Variants in RICTOR observed in about 807,000 individuals in gnomAD.
The protein encoded by RICTOR is RPTOR independent companion of MTOR complex 2, also known as rapamycin-insensitive companion of mTOR.
A neutral mutation model predicts 214.9 loss-of-function variants in RICTOR; 49 were observed. That is an observed-to-expected ratio of 0.23 (90% confidence interval 0.18 to 0.29). The LOEUF is 0.29. Among genes scored for constraint, RICTOR ranks in the 10% least tolerant of loss-of-function variants. The pLI is 1.00. For missense variants in RICTOR, 1,625 were observed against 2,047.0 expected (o/e 0.79, Z 3.98); for synonymous variants, 717 against 711.3 (o/e 1.01, Z -0.13).
At chr5:39,009,287 A>G (rs1399706257) in intron 3 of RICTOR, among the ~76,000 whole-genome samples, 2 of 152,206 alleles carry the variant, frequency 1.3e-5, no homozygotes, top group African/African-American at 4.8e-5. Flanking sequence ...CGAGAAAAAT[A>G]TATGACCATT....
Position 38,945,076 on chromosome 5 carries a change from A to C in RICTOR, c.4634-8T>G. On this transcript the variant is annotated splice_polypyrimidine_tract_variant and splice_region_variant and intron_variant, in intron 34 of 37. Coordinates refer to ENST00000357387, the MANE Select transcript of RICTOR (RefSeq NM_152756.5). Reference sequence around the variant, plus strand: ...ATGGAATATCTTGAAAGTCTGAAGAAAAAAATAATTATTTCAATTAAAGCA... The same window carrying C: ...ATGGAATATCTTGAAAGTCTGAAGACAAAAATAATTATTTCAATTAAAGCA... 1 of 1,576,476 alleles carries C rather than the reference A, an allele frequency of 6.3e-7. No homozygotes were observed. The highest frequency in any genetic ancestry group is 8.7e-7 in the Non-Finnish European group (1 of 1,154,468).
chr5:39,032,749 T>C (rs1002031210), intron 2 of RICTOR, among the ~76,000 whole-genome samples: 3 of 152,220 alleles, frequency 2.0e-5, no homozygotes, highest in African/African-American at 2.4e-5. Flanking sequence ...GAATGTTTCA[T>C]AGCTGTTTCA....
intron 33 of RICTOR, 40 bp downstream of exon 33, chr5:38,946,428 A>G (rs1174610881): frequency 8.0e-7 from 1 of 1,250,164 alleles, no homozygotes; most frequent in South Asian, 1.3e-5. Context: ...TCTTTTTAAT[A>G]TAAAGAGGCA....
chr5:39,053,654 A>G (rs887530830), intron 2 of RICTOR, among the ~76,000 whole-genome samples: 1 of 152,204 alleles, frequency 6.6e-6, no homozygotes, highest in Non-Finnish European at 1.5e-5. Context: ...GCACTTTGGG[A>G]GGCCGAGATG....
intron 10 of RICTOR, among the ~76,000 whole-genome samples, chr5:38,973,280 C>T (rs1189384808): frequency 1.3e-5 from 2 of 152,110 alleles, no homozygotes; most frequent in African/African-American, 4.8e-5. Context: ...ATCTCTCCCC[C>T]CGACAACAAA....
chr5:39,065,610 A>C (rs190196758), intron 2 of RICTOR, among the ~76,000 whole-genome samples: 312 of 152,346 alleles, frequency 2.0e-3, no homozygotes, highest in African/African-American at 7.2e-3. Context: ...TGAGGCTGTA[A>C]AGTCACAAAT....
chr5:39,003,549 C>T lies in RICTOR; in HGVS notation c.260+9G>A. ...AAAGGGATGGGAGGGGGGAATGAAC[C>T]ACACTTACCAAATTATGATATCCTC... On this transcript the variant is annotated intron_variant, in intron 4 of 37. Coordinates refer to ENST00000357387, the MANE Select transcript of RICTOR (RefSeq NM_152756.5). 6.3e-7 allele frequency: 1 copy of T among 1,581,168 alleles called. No individual in the cohort carries two copies. The highest frequency in any genetic ancestry group is 8.7e-7 in the Non-Finnish European group (1 of 1,152,674).
intron 3 of RICTOR, among the ~76,000 whole-genome samples, chr5:39,006,766 GGGAGAGGAGA>G (rs1163030194): frequency 9.8e-5 from 9 of 92,218 alleles, no homozygotes; most frequent in South Asian, 5.4e-4. Flanking sequence ...GGGAGAGGAG[GGGAGAGGAGA>G]GGAGGGGAGG....
At chr5:39,032,165 A>G (rs1756323193) in intron 2 of RICTOR, among the ~76,000 whole-genome samples, 1 of 152,204 alleles carries the variant, frequency 6.6e-6, no homozygotes, top group Non-Finnish European at 1.5e-5. Flanking sequence ...ATAGAAAAAT[A>G]GAACATTTTT....
At chr5:38,946,443 A>T (rs1398607751) in intron 33 of RICTOR, 25 bp downstream of exon 33, 2 of 1,457,870 alleles carry the variant, frequency 1.4e-6, no homozygotes, top group Admixed American at 1.7e-5. Context: ...GAGGCATCTC[A>T]CAAGTACAAT....
chr5:38,941,585 A>C lies in RICTOR; in HGVS notation c.*719T>G, dbSNP rs904638537. The C allele has an allele frequency of 4.3e-6, 1 of 231,404 alleles. No individual in the cohort carries two copies. Among genetic ancestry groups the C allele is most frequent in the African/African-American group, 2.2e-5 (1 of 45,256 alleles). 14.3% of individuals were successfully genotyped at this position (231,404 alleles called of 1,614,324 possible). On this transcript the variant is annotated 3_prime_UTR_variant, in exon 38 of 38. Coordinates refer to ENST00000357387, the MANE Select transcript of RICTOR (RefSeq NM_152756.5). ...AAAAAATGATTTTTAAATTTTATTC[A>C]AGAACTGTAGTGAAAAACCTTAATT... is the stretch of plus-strand genomic sequence containing the variant.
In RICTOR at chr5:38,977,618, G is replaced by C. The variant is rs528753486; in HGVS notation, c.821+965C>G. Among the ~76,000 whole-genome samples the C allele has an allele frequency of 3.1e-3, 301 of 96,968 alleles. 4 individuals are homozygous for C. The highest frequency in any genetic ancestry group is 7.1e-3 in the Admixed American group (49 of 6,876). 63.6% of individuals were successfully genotyped at this position (96,968 alleles called of 152,430 possible). Reference sequence around the variant, plus strand: ...TTTTTTTTTTTTTTTTTTTTTTTGAGACAGAGTGTCGCTCTGTCACCCAGG... The same window carrying C: ...TTTTTTTTTTTTTTTTTTTTTTTGACACAGAGTGTCGCTCTGTCACCCAGG... On this transcript the variant is annotated intron_variant, in intron 9 of 37. Coordinates refer to ENST00000357387, the MANE Select transcript of RICTOR (RefSeq NM_152756.5).
At chr5:38,943,138 C>T (rs1579851817) in intron 36 of RICTOR, 167 bp from the exon 37 acceptor site, 3 of 447,450 alleles carry the variant, frequency 6.7e-6, no homozygotes, top group Non-Finnish European at 7.8e-6. Flanking sequence ...CTGTCACACA[C>T]TTAGACATTC....
At chr5:39,066,260 G>T (rs72635284) in intron 2 of RICTOR, among the ~76,000 whole-genome samples, 2,695 of 152,340 alleles carry the variant, frequency 0.018, 51 homozygotes, top group East Asian at 0.05. Context: ...AGCCCGAACT[G>T]TACCTGGGCC....
chr5:39,042,411 GTAC>G lies in RICTOR; in HGVS notation c.98-21278_98-21276del, dbSNP rs1337246657. On this transcript the variant is annotated intron_variant, in intron 2 of 37. Coordinates refer to ENST00000357387, the MANE Select transcript of RICTOR (RefSeq NM_152756.5). ...TCTCCACACCAACCGTATAAGGTAGGTACTACTATTATTGTCCTCATGTTAATA... is the reference window on the plus strand; with the variant it reads ...TCTCCACACCAACCGTATAAGGTAGGTACTATTATTGTCCTCATGTTAATA... Among the ~76,000 whole-genome samples the G allele has an allele frequency of 2.0e-5, 3 of 152,184 alleles. No individual in the cohort carries two copies. In the East Asian group the frequency reaches 5.8e-4, roughly 29 times the overall value.
intron 28 of RICTOR, 76 bp downstream of exon 28, chr5:38,953,385 T>A (rs2112876227): frequency 1.7e-6 from 1 of 603,020 alleles, no homozygotes; most frequent in Non-Finnish European, 2.9e-6. Flanking sequence ...AAAATATTTA[T>A]CTATTTAGTA....
chr5:38,946,425 A>G (rs1428299476), intron 33 of RICTOR, 43 bp downstream of exon 33: 1 of 1,222,372 alleles, frequency 8.2e-7, no homozygotes, highest in Non-Finnish European at 1.2e-6. Flanking sequence ...TTTTCTTTTT[A>G]ATATAAAGAG....
intron 3 of RICTOR, among the ~76,000 whole-genome samples, chr5:39,018,309 T>C (rs1170760418): frequency 6.6e-6 from 1 of 152,096 alleles, no homozygotes; most frequent in Non-Finnish European, 1.5e-5. Flanking sequence ...AAAGAGAAAG[T>C]TATAATATAG....
chr5:38,991,771 T>C (rs1001890642), intron 6 of RICTOR, among the ~76,000 whole-genome samples: 10 of 152,154 alleles, frequency 6.6e-5, no homozygotes, highest in Non-Finnish European at 1.2e-4. Context: ...ATTTGGAATA[T>C]TGAAAACAGG....
Sources: gnomAD v4.1 joint callset for allele counts (sites outside exome capture counted in the v4.1 genomes callset) on GRCh38, gnomAD v4.1.1 for gene constraint, MANE v1.5 for transcripts, NCBI Gene and HGNC (gene_info 2026-07-23, HGNC 2026-07-21) for gene names.